HECTD4: variants seen among roughly 807,000 people sequenced by gnomAD.
The protein encoded by HECTD4 is probable E3 ubiquitin-protein ligase HECTD4.
In HECTD4, 114 loss-of-function variants were observed where a neutral mutation model predicts 471.5. That is an observed-to-expected ratio of 0.24 (90% confidence interval 0.21 to 0.28). The LOEUF is 0.28. Ranked by LOEUF, HECTD4 falls within the 10% of genes least tolerant of loss-of-function variation. The pLI, the probability that HECTD4 is intolerant of heterozygous loss-of-function variation, is 1.00. For missense variants in HECTD4, 3,866 were observed against 5,651.5 expected (o/e 0.68, Z 10.13); for synonymous variants, 2,012 against 2,256.0 (o/e 0.89, Z 3.07).
chr12:112,182,564 AC>A (rs2031716703), intron 62 of HECTD4, among the ~76,000 whole-genome samples: 1 of 152,248 alleles, frequency 6.6e-6, no homozygotes, highest in African/African-American at 2.4e-5. Context: ...TGAAATAATT[AC>A]CAGCAATGTT....
chr12:112,314,265 TA>T (rs2035435698), intron 3 of HECTD4, among the ~76,000 whole-genome samples, 191 bp downstream of exon 3: 1 of 152,076 alleles, frequency 6.6e-6, no homozygotes, highest in African/African-American at 2.4e-5. Context: ...TAATGAAAAA[TA>T]ACATGCTCTA....
Position 112,240,155 on chromosome 12 carries a change from T to G in HECTD4, c.4959-128A>C, listed in dbSNP as rs987198027. The G allele has an allele frequency of 4.0e-5, 39 of 976,390 alleles. No homozygotes were observed. The East Asian group carries it at 5.6e-4, about 14-fold the overall frequency. The allele number at this position is 976,390 out of a possible 1,614,324, so 60.5% of individuals were successfully genotyped here. ...AGAACTGAAGGGATCTTGGAGAACATCCAGCTCAGTGTTTCCTAGACTATG... is the reference window on the plus strand; with the variant it reads ...AGAACTGAAGGGATCTTGGAGAACAGCCAGCTCAGTGTTTCCTAGACTATG... On this transcript the variant is annotated intron_variant, in intron 32 of 75. Transcript: ENST00000682272.
chr12:112,195,296 AATAC>A (rs2032203233), intron 55 of HECTD4, among the ~76,000 whole-genome samples: 1 of 152,358 alleles, frequency 6.6e-6, no homozygotes, highest in South Asian at 2.1e-4. Flanking sequence ...AAAAAATAAA[AATAC>A]ATGTCCGCAC....
Position 112,381,249 on chromosome 12 carries a change from G to C in HECTD4, c.177+703C>G, listed in dbSNP as rs187913229. ...TTGCACCTGCCACGGCTCTGAACCCGGGATGCTTGGCGACCCCCGGGGCAC... is the reference window on the plus strand; with the variant it reads ...TTGCACCTGCCACGGCTCTGAACCCCGGATGCTTGGCGACCCCCGGGGCAC... On this transcript the variant is annotated intron_variant, in intron 1 of 75. Transcript: ENST00000682272. This position sits in a 1 kb window ranked among gnomAD's most constrained non-coding sequence, Gnocchi z 4.1. Among the ~76,000 whole-genome samples, 1 of 152,102 alleles carries C rather than the reference G, an allele frequency of 6.6e-6. No homozygotes were observed. Among genetic ancestry groups the C allele is most frequent in the East Asian group, 1.9e-4 (1 of 5,168 alleles).
intron 1 of HECTD4, among the ~76,000 whole-genome samples, chr12:112,335,581 G>A (rs1224641875): frequency 6.6e-6 from 1 of 152,014 alleles, no homozygotes; most frequent in Non-Finnish European, 1.5e-5. Context: ...CCAGCTACTC[G>A]AGAGGCTGAG....
chr12:112,224,677 G>C (rs1414841648), intron 44 of HECTD4, among the ~76,000 whole-genome samples: 1 of 152,084 alleles, frequency 6.6e-6, no homozygotes, highest in Admixed American at 6.5e-5. Flanking sequence ...ACATTTCTTT[G>C]CAACTCTTTG....
intron 1 of HECTD4, chr12:112,323,172 G>A (rs1489176197): frequency 6.3e-6 from 1 of 159,506 alleles, no homozygotes; most frequent in East Asian, 1.8e-4. Flanking sequence ...GAGGCCAGGA[G>A]TTCAAGACCA....
chr12:112,373,278 C>T (rs537557457), intron 1 of HECTD4, among the ~76,000 whole-genome samples: 9 of 152,254 alleles, frequency 5.9e-5, no homozygotes, highest in East Asian at 1.9e-4. Context: ...CGGTGGCTGA[C>T]GCCTGAAATT....
intron 1 of HECTD4, among the ~76,000 whole-genome samples, chr12:112,356,049 C>T (rs1175732941): frequency 2.6e-5 from 4 of 152,050 alleles, no homozygotes; most frequent in Non-Finnish European, 5.9e-5. Flanking sequence ...AGTCACTGAC[C>T]TTCCTTTATC....
chr12:112,372,328 C>T (rs957432123), intron 1 of HECTD4, among the ~76,000 whole-genome samples: 5 of 151,992 alleles, frequency 3.3e-5, no homozygotes, highest in Non-Finnish European at 5.9e-5. Flanking sequence ...GGCGCAATCT[C>T]GGCTCACTGC....
At position 112,208,512 on chromosome 12, in the gene HECTD4, GTCA is replaced by G. The variant is rs1387135738; in HGVS notation, c.7983_7985del (p.Asp2665del). On this transcript the variant is annotated inframe_deletion, in exon 51 of 76. Coordinates refer to ENST00000682272, the MANE Select transcript of HECTD4 (RefSeq NM_001388303.1). The stretch of plus-strand genomic sequence containing the variant: ...CTCTTACCTGAGGGATGTCATCATC[GTCA>G]TCATCATCGCTTTCATCATCTGCAA... 3.1e-6 allele frequency: 5 copies of G among 1,596,168 alleles called. No individual in the cohort carries two copies. Among genetic ancestry groups the G allele is most frequent in the Non-Finnish European group, 4.3e-6 (5 of 1,173,288 alleles).
chr12:112,198,093 C>G, intron 55 of HECTD4, among the ~76,000 whole-genome samples: 1 of 152,208 alleles, frequency 6.6e-6, no homozygotes, highest in East Asian at 1.9e-4. Context: ...CCTCGGCCTC[C>G]CAAAGTGCTG....
intron 44 of HECTD4, among the ~76,000 whole-genome samples, chr12:112,223,097 T>A (rs1326576800): frequency 6.6e-6 from 1 of 152,140 alleles, no homozygotes; most frequent in Non-Finnish European, 1.5e-5. Context: ...TGGAGCCCTG[T>A]TTCTTCCAGT....
chr12:112,308,848 C>G lies in HECTD4; in HGVS notation c.1069G>C (p.Val357Leu), dbSNP rs908038380. 1.3e-6 allele frequency: 2 copies of G among 1,536,058 alleles called. No individual in the cohort carries two copies. Among genetic ancestry groups the G allele is most frequent in the Admixed American group, 3.9e-5 (2 of 50,984 alleles). ...CRNEELEPGWVAFGSGSLLHR... is the reference protein window; with the variant it reads ...CRNEELEPGWLAFGSGSLLHR... ...AGAAGACTGCCGCTGCCAAAAGCCACCCATCCTGGTTCCAACTCCTCGTTC... is the reference window on the plus strand; with the variant it reads ...AGAAGACTGCCGCTGCCAAAAGCCAGCCATCCTGGTTCCAACTCCTCGTTC... Residue 357 changes from valine to leucine, a missense_variant, in exon 6 of 76, where the codon GTG becomes CTG. Physicochemically the swap from Val to Leu is conservative, Grantham distance 32 (BLOSUM62 1). Coordinates refer to ENST00000682272, the MANE Select transcript of HECTD4 (RefSeq NM_001388303.1).
At chr12:112,167,154 C>A (rs916243115) in intron 72 of HECTD4, 163 bp downstream of exon 72, 7 of 580,430 alleles carry the variant, frequency 1.2e-5, no homozygotes, top group Non-Finnish European at 8.9e-6. Context: ...AGGCCTCTGT[C>A]CCCATGAAAT....
Position 112,228,421 on chromosome 12 carries a change from AT to A in HECTD4, c.6685-164del, listed in dbSNP as rs2033295765. 6.6e-6 allele frequency among the ~76,000 whole-genome samples: 1 copy of A among 152,252 alleles called. No homozygotes were observed. Among genetic ancestry groups the A allele is most frequent in the Non-Finnish European group, 1.5e-5 (1 of 68,042 alleles). ...ACCACATCAAAACAATTAAAAATACATTGTAGAAGAGCCCTAACCAACAAAG... is the reference window on the plus strand; with the variant it reads ...ACCACATCAAAACAATTAAAAATACATGTAGAAGAGCCCTAACCAACAAAG... On this transcript the variant is annotated intron_variant, in intron 42 of 75. Coordinates refer to ENST00000682272, the MANE Select transcript of HECTD4 (RefSeq NM_001388303.1). The surrounding 1 kb of genome is among the most constrained non-coding windows in gnomAD (Gnocchi z 4.9).
chr12:112,282,383 A>AAAAAAC (rs909259846), intron 8 of HECTD4, among the ~76,000 whole-genome samples: 4 of 152,168 alleles, frequency 2.6e-5, no homozygotes, highest in South Asian at 2.1e-4. Context: ...ACTCCATCTC[A>AAAAAAC]AAAAACAAAA....
Position 112,169,417 on chromosome 12 carries a change from G to A in HECTD4, c.12208+86C>T, listed in dbSNP as rs1427905478. On this transcript the variant is annotated intron_variant, in intron 70 of 75. Coordinates refer to ENST00000682272, the MANE Select transcript of HECTD4 (RefSeq NM_001388303.1). ...TGCTGAGGATGTGGCTTTTACTCTT[G>A]GAAATGGAGGTCTTGGGCAGCTGGG... 6.4e-6 allele frequency: 9 copies of A among 1,404,196 alleles called. No individual in the cohort carries two copies. The South Asian group carries it at 9.9e-5, about 15-fold the overall frequency. The allele number at this position is 1,404,196 out of a possible 1,614,324, so 87.0% of individuals were successfully genotyped here.
chr12:112,265,966 G>A lies in HECTD4; in HGVS notation c.2410C>T (p.Leu804Phe). 1 of 1,613,604 alleles carries A rather than the reference G, an allele frequency of 6.2e-7. No homozygotes were observed. The highest frequency in any genetic ancestry group is 2.2e-5 in the East Asian group (1 of 44,874). The change falls in exon 15 of 76, where the codon CTC becomes TTC. Residue 804 changes from leucine to phenylalanine, a missense_variant. Physicochemically the swap from Leu to Phe is conservative, Grantham distance 22. Transcript: ENST00000682272. ...VLTEGERNSG[L>F]SQLRDVILTN... ...AGGATCACATCCCGTAGCTGGGAGA[G>A]TCCACTGTTTCTCTCTCCTAACACA...
Sources: gnomAD v4.1 joint callset for allele counts (sites outside exome capture counted in the v4.1 genomes callset) on GRCh38, gnomAD v4.1.1 for gene constraint, Gnocchi (gnomAD v3.1) non-coding constraint, MANE v1.5 for transcripts, NCBI Gene and HGNC (gene_info 2026-07-23, HGNC 2026-07-21) for gene names.